Variants in SEC14L3 observed in about 807,000 individuals in gnomAD.
The protein encoded by SEC14L3 is SEC14 like lipid binding 3, also known as SEC14-like protein 3.
In SEC14L3, 56 loss-of-function variants were observed where a neutral mutation model predicts 57.4. The observed-to-expected ratio is 0.97, with a 90% confidence interval of 0.79 to 1.22. The LOEUF is 1.22. Among genes scored for constraint, SEC14L3 ranks in the 50% most tolerant of loss-of-function variants. SEC14L3 has a pLI of 0.00. For synonymous variants in SEC14L3, 173 were observed against 194.4 expected, an observed-to-expected ratio of 0.89 and a Z score of 0.92; for missense variants, 485 against 511.7, an observed-to-expected ratio of 0.95 and a Z score of 0.50.
chr22:30,452,003 A>G (rs577272295), intron 12 of SEC14L3, among the ~76,000 whole-genome samples: 2 of 139,110 alleles, frequency 1.4e-5, no homozygotes, highest in Admixed American at 7.3e-5. Flanking sequence ...AAAAAAAAAA[A>G]AAAAAAGAAA....
chr22:30,468,662 C>T lies in SEC14L3; in HGVS notation c.269G>A (p.Gly90Asp). The T allele has an allele frequency of 6.2e-7, 1 of 1,613,924 alleles. No individual in the cohort carries two copies. Among genetic ancestry groups the T allele is most frequent in the South Asian group, 1.1e-5 (1 of 91,058 alleles). ...IQKYMPGGLC[G>D]YDRDGCPVWY... ...CACGGGGCAGCCATCACGGTCATAG[C>T]CACACAGGCCCCCAGGCATGTACTT... The change falls in exon 5 of 12, where the codon GGC becomes GAC. Residue 90 changes from glycine (G) to aspartate (D), a missense_variant. Transcript: ENST00000215812.
rs929675736 is a variant in SEC14L3, at chr22:30,459,565, T to A, written c.*456A>T. The A allele has an allele frequency of 2.0e-6, 2 of 988,188 alleles. No homozygotes were observed. The highest frequency in any genetic ancestry group is 4.6e-5 in the South Asian group (1 of 21,506). The allele number at this position is 988,188 out of a possible 1,614,324, so 61.2% of individuals were successfully genotyped here. A position where few individuals can be genotyped will look rare whatever the true frequency, so the allele number is the denominator to read the frequency against. ...AATCATGTACAGCTGTTGAGTCACCTGCACCCTACCTTCTGGTCCTCCATT... is the reference window on the plus strand; with the variant it reads ...AATCATGTACAGCTGTTGAGTCACCAGCACCCTACCTTCTGGTCCTCCATT... On this transcript the variant is annotated 3_prime_UTR_variant, in exon 12 of 12. Transcript: ENST00000215812.
chr22:30,467,041 C>T lies in SEC14L3; in HGVS notation c.460G>A (p.Asp154Asn). The T allele has an allele frequency of 6.2e-7, 1 of 1,613,952 alleles. No individual in the cohort carries two copies. Among genetic ancestry groups the T allele is most frequent in the Non-Finnish European group, 8.5e-7 (1 of 1,179,988 alleles). Residue 154 changes from aspartate to asparagine, a missense_variant, in exon 6 of 12, where the codon GAC (aspartate) becomes AAC (asparagine). Physicochemically the swap from Asp to Asn is conservative, Grantham distance 23 (BLOSUM62 1). Coordinates refer to ENST00000215812, the MANE Select transcript of SEC14L3 (RefSeq NM_174975.5). ...KKIETIVMIFDCEGLGLKHFW... is the reference protein window; with the variant it reads ...KKIETIVMIFNCEGLGLKHFW... The stretch of plus-strand genomic sequence containing the variant: ...TGTTTCAGTCCCAGGCCCTCACAGT[C>T]AAATATCATCACGATGGTCTCAATC...
downstream of SEC14L3, among the ~76,000 whole-genome samples, chr22:30,456,774 G>A (rs1169103085): frequency 6.6e-6 from 1 of 152,208 alleles, no homozygotes; most frequent in Non-Finnish European, 1.5e-5. Flanking sequence ...GCTGCCTCCT[G>A]GAGATTCAGG....
chr22:30,471,552 C>T (rs1476485990), intron 1 of SEC14L3, among the ~76,000 whole-genome samples: 1 of 152,210 alleles, frequency 6.6e-6, no homozygotes, highest in Non-Finnish European at 1.5e-5. Context: ...AAAGGGCAGA[C>T]CAGCAGCATC....
chr22:30,468,602 C>A lies in SEC14L3; in HGVS notation c.329G>T (p.Gly110Val). ...CTGCTTGGTGACTGAGAAGAGCAAC[C>A]CCTTGGGATCAAGTGGCCCAATGAT... The part of the protein sequence containing the change: ...YDIIGPLDPK[G>V]LLFSVTKQDL... Residue 110 changes from glycine (G) to valine (V), a missense_variant, in exon 5 of 12, where the codon GGG becomes GTG. Physicochemically the swap from Gly to Val is moderately radical, Grantham distance 109. Coordinates refer to ENST00000215812, the MANE Select transcript of SEC14L3 (RefSeq NM_174975.5). The A allele has an allele frequency of 6.2e-7, 1 of 1,613,948 alleles. No homozygotes were observed. Among genetic ancestry groups the A allele is most frequent in the Non-Finnish European group, 8.5e-7 (1 of 1,180,014 alleles).
intron 5 of SEC14L3, 82 bp downstream of exon 5, chr22:30,468,426 A>G: frequency 2.9e-6 from 3 of 1,027,928 alleles, no homozygotes; most frequent in South Asian, 1.5e-5. Context: ...GGTTGTAGAG[A>G]ACACAGGTGT....
chr22:30,465,482 C>G (rs184278045), intron 7 of SEC14L3, among the ~76,000 whole-genome samples: 1 of 151,914 alleles, frequency 6.6e-6, no homozygotes, highest in Non-Finnish European at 1.5e-5. Flanking sequence ...AGCCAGCCAA[C>G]CATCCAAATA....
chr22:30,459,044 G>A (rs992187329), downstream of SEC14L3, among the ~76,000 whole-genome samples: 3 of 151,980 alleles, frequency 2.0e-5, no homozygotes, highest in South Asian at 2.1e-4. Context: ...ACAAACAAAC[G>A]AACACCCCCT....
chr22:30,455,090 A>T (rs1216365378), downstream of SEC14L3, among the ~76,000 whole-genome samples: 3 of 48,634 alleles, frequency 6.2e-5, 1 homozygote. Context: ...TTAAATATTT[A>T]ATATATAATA....
chr22:30,455,237 T>TAATATATTATATA (rs1935100645), downstream of SEC14L3, among the ~76,000 whole-genome samples: 5 of 122,350 alleles, frequency 4.1e-5, no homozygotes, highest in Non-Finnish European at 6.5e-5. Flanking sequence ...TATATAATAT[T>TAATATATTATATA]TAATATATTA....
At chr22:30,453,903 G>A (rs954533472) in intron 12 of SEC14L3, among the ~76,000 whole-genome samples, 1 of 152,126 alleles carries the variant, frequency 6.6e-6, no homozygotes, top group African/African-American at 2.4e-5. Flanking sequence ...ATAGTGTTAT[G>A]GTTTAAAGGT....
intron 5 of SEC14L3, among the ~76,000 whole-genome samples, chr22:30,468,281 GC>G (rs372708337): frequency 0.022 from 1,797 of 81,848 alleles, 26 homozygotes; most frequent in African/African-American, 0.097. Context: ...TCTGTCTCAA[GC>G]AAAAAAAAAA....
chr22:30,454,869 C>G (rs143861112), downstream of SEC14L3, among the ~76,000 whole-genome samples: 6 of 14,808 alleles, frequency 4.1e-4, no homozygotes, highest in Non-Finnish European at 4.9e-4. Flanking sequence ...TTATATAATA[C>G]ATAATATATT....
At chr22:30,470,439 C>G in intron 2 of SEC14L3, 68 bp downstream of exon 2, 1 of 1,610,148 alleles carries the variant, frequency 6.2e-7, no homozygotes, top group Non-Finnish European at 8.5e-7. Flanking sequence ...ATGAGACACT[C>G]TGGAGCAGTT....
exon 13 of SEC14L3, chr22:30,449,007 A>G: frequency 7.1e-7 from 1 of 1,414,206 alleles, no homozygotes; most frequent in Non-Finnish European, 9.7e-7. Flanking sequence ...CAGGAGCCCA[A>G]ATGGGAAAAA....
Position 30,459,587 on chromosome 22 carries a change from C to T in SEC14L3, c.*434G>A. 1.0e-6 allele frequency: 1 copy of T among 988,930 alleles called. No individual in the cohort carries two copies. Among genetic ancestry groups the T allele is most frequent in the Non-Finnish European group, 1.2e-6 (1 of 831,740 alleles). The allele number at this position is 988,930 out of a possible 1,614,324, so 61.3% of individuals were successfully genotyped here. A position where few individuals can be genotyped will look rare whatever the true frequency, so the allele number is the denominator to read the frequency against. ...ACCTGCACCCTACCTTCTGGTCCTC[C>T]ATTCAATGCCACAAATATACACTGA... On this transcript the variant is annotated 3_prime_UTR_variant, in exon 12 of 12. Coordinates refer to ENST00000215812, the MANE Select transcript of SEC14L3 (RefSeq NM_174975.5).
At chr22:30,450,564 A>G (rs1310366314) in intron 12 of SEC14L3, among the ~76,000 whole-genome samples, 1 of 152,030 alleles carries the variant, frequency 6.6e-6, no homozygotes, top group African/African-American at 2.4e-5. Context: ...CTGCCTTCCA[A>G]AGTGCTGGGA....
intron 12 of SEC14L3, among the ~76,000 whole-genome samples, chr22:30,450,665 ACCCTGGGCAAATT>A (rs147052747): frequency 0.013 from 2,044 of 152,042 alleles, 44 homozygotes; most frequent in African/African-American, 0.046. Context: ...AAGTTATGGG[ACCCTGGGCAAATT>A]CCTTCAGCTG....
Sources: gnomAD v4.1 joint callset for allele counts (sites outside exome capture counted in the v4.1 genomes callset) on GRCh38, gnomAD v4.1.1 for gene constraint, MANE v1.5 for transcripts, NCBI Gene and HGNC (gene_info 2026-07-23, HGNC 2026-07-21) for gene names.